TRAPPC3L: variants seen among roughly 807,000 people sequenced by gnomAD.
The protein encoded by TRAPPC3L is trafficking protein particle complex subunit 3-like protein.
A neutral mutation model predicts 23.7 loss-of-function variants in TRAPPC3L; 23 were observed. The ratio of observed to expected loss-of-function variants is 0.97; its 90% CI spans 0.70 to 1.37. The LOEUF (loss-of-function observed/expected upper bound fraction) is 1.37. TRAPPC3L is among the 40% of genes most tolerant of loss of function. The pLI is 0.00. For synonymous variants in TRAPPC3L, 81 were observed against 77.9 expected (o/e 1.04, Z -0.21); for missense variants, 212 against 216.8 (o/e 0.98, Z 0.14).
intron 3 of TRAPPC3L, chr6:116,512,431 G>A (rs558050578): frequency 1.7e-6 from 1 of 581,944 alleles, no homozygotes; most frequent in African/African-American, 1.9e-5. Context: ...TTGCTGACTG[G>A]ATTATCTCTT....
At chr6:116,508,247 C>G (rs1382604850) in intron 3 of TRAPPC3L, among the ~76,000 whole-genome samples, 2 of 152,260 alleles carry the variant, frequency 1.3e-5, no homozygotes, top group South Asian at 2.1e-4. Context: ...AGTTCAATAG[C>G]CATTTGCAAG....
At chr6:116,516,256 T>A in intron 3 of TRAPPC3L, 1 of 333,376 alleles carries the variant, frequency 3.0e-6, no homozygotes, top group Admixed American at 4.6e-5. Flanking sequence ...TAAGATTTTA[T>A]CATTCAACAG....
At chr6:116,507,227 G>T (rs895922335) in intron 3 of TRAPPC3L, among the ~76,000 whole-genome samples, 3 of 152,012 alleles carry the variant, frequency 2.0e-5, no homozygotes, top group African/African-American at 7.2e-5. Context: ...TACTAGCAAA[G>T]TATAAAACCC....
intron 3 of TRAPPC3L, chr6:116,511,728 T>C (rs1450606848): frequency 1.2e-6 from 2 of 1,613,730 alleles, no homozygotes; most frequent in African/African-American, 2.7e-5. Context: ...TTAAAATTCT[T>C]CCTTAATCAG....
chr6:116,516,929 G>A (rs1772240357), intron 3 of TRAPPC3L: 1 of 152,434 alleles, frequency 6.6e-6, no homozygotes, highest in Admixed American at 6.6e-5. Flanking sequence ...ATCATAGATA[G>A]GTGGCTTATA....
chr6:116,525,565 C>T (rs1772428558), intron 3 of TRAPPC3L, among the ~76,000 whole-genome samples: 2 of 152,100 alleles, frequency 1.3e-5, no homozygotes, highest in Admixed American at 1.3e-4. Flanking sequence ...GGCCAGCTAT[C>T]TTTTTATAAT....
chr6:116,540,250 G>T lies in TRAPPC3L; in HGVS notation c.240+113C>A. ...TTTTCAATCAGAATCTCCTTTCTCA[G>T]CACCTAACAATGAATGCAGATGGAA... is the stretch of plus-strand genomic sequence containing the variant. On this transcript the variant is annotated intron_variant, in intron 3 of 4. Coordinates refer to ENST00000368602, the MANE Select transcript of TRAPPC3L (RefSeq NM_001139444.3). 1.1e-6 allele frequency: 1 copy of T among 948,100 alleles called. No homozygotes were observed. The highest frequency in any genetic ancestry group is 1.6e-6 in the Non-Finnish European group (1 of 633,334). 58.7% of individuals were successfully genotyped at this position (948,100 alleles called of 1,614,324 possible). A position where few individuals can be genotyped will look rare whatever the true frequency, so the allele number is the denominator to read the frequency against.
At chr6:116,514,619 G>C (rs932017180) in intron 3 of TRAPPC3L, among the ~76,000 whole-genome samples, 2 of 152,186 alleles carry the variant, frequency 1.3e-5, no homozygotes, top group Non-Finnish European at 1.5e-5. Flanking sequence ...TAAGGGGAAA[G>C]TTTAGATTTA....
At chr6:116,514,641 T>G (rs182709353) in intron 3 of TRAPPC3L, among the ~76,000 whole-genome samples, 37 of 152,318 alleles carry the variant, frequency 2.4e-4, no homozygotes, top group Admixed American at 2.4e-3. Flanking sequence ...ACCTGAGTAG[T>G]GCCAGTCCAG....
intron 1 of TRAPPC3L, chr6:116,544,015 C>A (rs1773618908): frequency 1.5e-6 from 1 of 684,344 alleles, no homozygotes; most frequent in Non-Finnish European, 2.4e-6. Context: ...AGGGTTTTTC[C>A]AAGAACCTAA....
At chr6:116,503,225 C>G (rs1771947800) in intron 3 of TRAPPC3L, among the ~76,000 whole-genome samples, 1 of 151,988 alleles carries the variant, frequency 6.6e-6, no homozygotes, top group African/African-American at 2.4e-5. Flanking sequence ...GGTTGCCATC[C>G]TGATCTCTGA....
intron 3 of TRAPPC3L, chr6:116,516,434 T>C (rs1285003858): frequency 6.5e-6 from 1 of 152,704 alleles, no homozygotes; most frequent in Non-Finnish European, 1.5e-5. Context: ...ATCTACACTT[T>C]TAAGGATGTA....
Position 116,496,792 on chromosome 6 carries a change from A to T in TRAPPC3L, c.*162T>A, listed in dbSNP as rs1771839139. 1 of 1,042,544 alleles carries T rather than the reference A, an allele frequency of 9.6e-7. No individual in the cohort carries two copies. Among genetic ancestry groups the T allele is most frequent in the Non-Finnish European group, 1.3e-6 (1 of 772,638 alleles). The allele number at this position is 1,042,544 out of a possible 1,614,324, so 64.6% of individuals were successfully genotyped here. On this transcript the variant is annotated 3_prime_UTR_variant, in exon 5 of 5. Transcript: ENST00000368602. Reference sequence around the variant, plus strand: ...AATGCGTGATTTATAAGCAAAAGGAAAAAAAAACCTTTAAGCCTTCATGCC... The same window carrying T: ...AATGCGTGATTTATAAGCAAAAGGATAAAAAAACCTTTAAGCCTTCATGCC...
At position 116,540,381 on chromosome 6, in the gene TRAPPC3L, A is replaced by C; in HGVS notation, c.222T>G (p.Ile74Met). The change falls in exon 3 of 5, where the codon ATT (isoleucine) becomes ATG (methionine). Residue 74 changes from isoleucine (I) to methionine (M), a missense_variant. Physicochemically the swap from Ile to Met is conservative, Grantham distance 10 (BLOSUM62 1). Transcript: ENST00000368602. ...CVGRCHSYSEIIDIIAQVAFK... is the reference protein window; with the variant it reads ...CVGRCHSYSEMIDIIAQVAFK... ...TAGTTACCTGGGCAATTATGTCTAT[A>C]ATTTCTGAATAACTATGGCATCTTC... The C allele has an allele frequency of 2.6e-6, 4 of 1,551,212 alleles. No homozygotes were observed. The highest frequency in any genetic ancestry group is 3.5e-6 in the Non-Finnish European group (4 of 1,146,694).
At chr6:116,524,065 G>A (rs1772397696) in intron 3 of TRAPPC3L, 1 of 152,144 alleles carries the variant, frequency 6.6e-6, no homozygotes, top group Non-Finnish European at 1.5e-5. Context: ...TGTGGTAATG[G>A]TGTGCCGATT....
intron 1 of TRAPPC3L, among the ~76,000 whole-genome samples, chr6:116,544,087 C>A (rs1032949655): frequency 6.7e-6 from 1 of 149,440 alleles, no homozygotes; most frequent in South Asian, 2.1e-4. Context: ...ATATAAGAGC[C>A]ACAGCAGAAG....
chr6:116,540,884 T>G (rs1373518279), intron 2 of TRAPPC3L, among the ~76,000 whole-genome samples: 2 of 152,152 alleles, frequency 1.3e-5, no homozygotes, highest in Non-Finnish European at 2.9e-5. Flanking sequence ...TCTCTTAGCA[T>G]TGTTATCAGG....
At chr6:116,515,312 T>C (rs881864) in intron 3 of TRAPPC3L, among the ~76,000 whole-genome samples, 46,442 of 152,126 alleles carry the variant, frequency 0.31, 8,758 homozygotes, top group Middle Eastern at 0.49. Flanking sequence ...GTAAGTCTTA[T>C]GTAATCTATA....
chr6:116,516,770 T>C (rs928045391), intron 3 of TRAPPC3L: 1 of 150,330 alleles, frequency 6.7e-6, no homozygotes, highest in Non-Finnish European at 1.5e-5. Flanking sequence ...ATTAGCATTT[T>C]CTTCAACCTA....
Sources: gnomAD v4.1 joint callset for allele counts (sites outside exome capture counted in the v4.1 genomes callset) on GRCh38, gnomAD v4.1.1 for gene constraint, MANE v1.5 for transcripts, NCBI Gene and HGNC (gene_info 2026-07-23, HGNC 2026-07-21) for gene names.